SPECC1L: variants seen among roughly 807,000 people sequenced by gnomAD.
The protein encoded by SPECC1L is cytospin-A.
Under a neutral mutation model 116.8 loss-of-function variants are expected in SPECC1L, and 40 were observed. That is an observed-to-expected ratio of 0.34 (90% confidence interval 0.27 to 0.45). The LOEUF (loss-of-function observed/expected upper bound fraction) is 0.45. Among genes scored for constraint, SPECC1L ranks in the 20% least tolerant of loss-of-function variants. The probability of loss-of-function intolerance (pLI) is 1.00; values close to 1 mark genes in which losing one functional copy is unlikely to be tolerated. For missense variants in SPECC1L, 1,110 were observed against 1,373.6 expected (o/e 0.81, Z 3.03); for synonymous variants, 504 against 500.6 (o/e 1.01, Z -0.09).
rs552126169 is a variant in SPECC1L, at chr22:24,354,190, G to A, written c.2743+7014G>A. Among the ~76,000 whole-genome samples the A allele has an allele frequency of 5.3e-5, 8 of 152,252 alleles. No homozygotes were observed. The East Asian group carries it at 1.5e-3, about 29-fold the overall frequency. On this transcript the variant is annotated intron_variant, in intron 11 of 16. Transcript: ENST00000314328. ...CTATGACCCGGGTACCTCCTACCAG[G>A]CCCACCTCCAACACTGGGGCTTACA...
chr22:24,297,418 AG>A (rs1257630043), intron 2 of SPECC1L, among the ~76,000 whole-genome samples: 2 of 152,130 alleles, frequency 1.3e-5, no homozygotes, highest in Non-Finnish European at 2.9e-5. Context: ...AGTTTTATTA[AG>A]TGTATTACTA....
At chr22:24,280,577 ATTTTTTTTTTT>A (rs34634285) in intron 2 of SPECC1L, among the ~76,000 whole-genome samples, 1 of 128,828 alleles carries the variant, frequency 7.8e-6, no homozygotes, top group Non-Finnish European at 1.6e-5. Flanking sequence ...TTTCAATAAC[ATTTTTTTTTTT>A]TTTTTTTTTG....
rs191840970 is a variant in SPECC1L, at chr22:24,351,946, G to A, written c.2743+4770G>A. Among the ~76,000 whole-genome samples, 615 of 151,824 alleles carry A rather than the reference G, an allele frequency of 4.1e-3. 7 individuals carry two copies. Among genetic ancestry groups the A allele is most frequent in the African/African-American group, 0.014 (575 of 41,392 alleles). On this transcript the variant is annotated intron_variant, in intron 11 of 16. Transcript: ENST00000314328. The stretch of plus-strand genomic sequence containing the variant: ...GGAGCTTTCAGTGAGCCGAGATTGC[G>A]CCACTGCACTCCAGCCTGGGGAATA...
chr22:24,366,259 C>G (rs1478336466), intron 13 of SPECC1L, among the ~76,000 whole-genome samples: 1 of 151,754 alleles, frequency 6.6e-6, no homozygotes, highest in Non-Finnish European at 1.5e-5. Flanking sequence ...GTGGCGCGAT[C>G]TCGGCTCACT....
chr22:24,323,697 T>C lies in SPECC1L; in HGVS notation c.1939-523T>C, dbSNP rs566563078. 4.6e-5 allele frequency among the ~76,000 whole-genome samples: 7 copies of C among 152,376 alleles called. No individual in the cohort carries two copies. The South Asian group carries it at 1.4e-3, about 32-fold the overall frequency. On this transcript the variant is annotated intron_variant, in intron 5 of 16. Transcript: ENST00000314328. ...ATCTTTGGCTAAAATTTGAGTAATT[T>C]AGATTTTAGGGTGTTTTTAGTGATC... is the stretch of plus-strand genomic sequence containing the variant.
intron 14 of SPECC1L, among the ~76,000 whole-genome samples, chr22:24,394,918 A>T (rs1367892137): frequency 6.6e-6 from 1 of 151,886 alleles, no homozygotes; most frequent in East Asian, 1.9e-4. Context: ...GCAGCCTTGA[A>T]CTCCTGGGCT....
intron 9 of SPECC1L, among the ~76,000 whole-genome samples, chr22:24,336,161 A>T (rs906575139): frequency 6.6e-6 from 1 of 152,094 alleles, no homozygotes; most frequent in African/African-American, 2.4e-5. Context: ...TACTGATGTT[A>T]AAACATGTCT....
At position 24,322,232 on chromosome 22, in the gene SPECC1L, C is replaced by A. The variant is rs1209774449; in HGVS notation, c.1252C>A (p.Leu418Met). ...HSTSEELQAT[L>M]QELADLQQIT... ...TACAAGTGAGGAACTCCAGGCAACC[C>A]TGCAAGAGCTAGCTGATTTACAGCA... The change falls in exon 5 of 17, where the codon CTG (leucine) becomes ATG (methionine). Residue 418 changes from leucine to methionine, a missense_variant. This residue lies in a region of SPECC1L where 22 missense variants were observed against 60.1 expected (regional missense o/e 0.37). Coordinates refer to ENST00000314328, the MANE Select transcript of SPECC1L (RefSeq NM_015330.6). 6.2e-7 allele frequency: 1 copy of A among 1,614,200 alleles called. No homozygotes were observed. Among genetic ancestry groups the A allele is most frequent in the East Asian group, 2.2e-5 (1 of 44,884 alleles).
intron 2 of SPECC1L, among the ~76,000 whole-genome samples, chr22:24,297,104 T>G (rs1403693735): frequency 6.7e-6 from 1 of 149,754 alleles, no homozygotes; most frequent in Non-Finnish European, 1.5e-5. Flanking sequence ...CTCGGCTAAT[T>G]TTTGTATTTT....
intron 4 of SPECC1L, among the ~76,000 whole-genome samples, chr22:24,316,427 C>G (rs2040566772): frequency 6.6e-6 from 1 of 151,028 alleles, no homozygotes; most frequent in Non-Finnish European, 1.5e-5. Flanking sequence ...ACCCTGCGGC[C>G]TTCCGCAGTG....
chr22:24,395,783 C>T (rs967983855), intron 14 of SPECC1L, among the ~76,000 whole-genome samples: 1 of 152,170 alleles, frequency 6.6e-6, no homozygotes, highest in African/African-American at 2.4e-5. Context: ...GATCAACAGG[C>T]ATGCACCACC....
At position 24,297,727 on chromosome 22, in the gene SPECC1L, G is replaced by C. The variant is rs376353236; in HGVS notation, c.-37-4468G>C. Among the ~76,000 whole-genome samples the C allele has an allele frequency of 3.2e-3, 470 of 147,346 alleles. 16 individuals are homozygous for C. In the South Asian group the frequency reaches 0.093, roughly 29 times the overall value. ...GTTGGTACGTTTTAAATTGTGGACT[G>C]TTCTGAATGACATGATGAAATCTTG... On this transcript the variant is annotated intron_variant, in intron 2 of 16. Transcript: ENST00000314328.
At chr22:24,390,122 C>T (rs893059614) in intron 14 of SPECC1L, among the ~76,000 whole-genome samples, 3 of 151,256 alleles carry the variant, frequency 2.0e-5, no homozygotes, top group Non-Finnish European at 2.9e-5. Flanking sequence ...TACTCATCCC[C>T]TACCCCAACC....
rs2042779563 is a variant in SPECC1L at position 24,415,243 on chromosome 22, G to GT, written c.*621dup. On this transcript the variant is annotated 3_prime_UTR_variant, in exon 17 of 17. Transcript: ENST00000314328. ...TGAGCTAGGAGAGTATCTAGAGGGC[G>GT]TGGTGCGGGCACGCCAGGGCTGGGG... 1 of 157,126 alleles carries GT rather than the reference G, an allele frequency of 6.4e-6. No individual in the cohort carries two copies. Among genetic ancestry groups the GT allele is most frequent in the Admixed American group, 6.0e-5 (1 of 16,598 alleles). The allele number at this position is 157,126 out of a possible 1,614,324, so 9.7% of individuals were successfully genotyped here.
intron 14 of SPECC1L, among the ~76,000 whole-genome samples, chr22:24,370,150 G>C (rs958444259): frequency 6.6e-6 from 1 of 152,208 alleles, no homozygotes; most frequent in Non-Finnish European, 1.5e-5. Context: ...TGCAAAAGAG[G>C]TAATAACATT....
chr22:24,354,670 CTT>C (rs531632375), intron 11 of SPECC1L, among the ~76,000 whole-genome samples: 23 of 139,790 alleles, frequency 1.6e-4, no homozygotes, highest in Middle Eastern at 3.7e-3. Flanking sequence ...TCTGGTTACT[CTT>C]TTTTTTTTTT....
chr22:24,342,693 A>G (rs1049446770), intron 10 of SPECC1L, among the ~76,000 whole-genome samples: 13 of 151,492 alleles, frequency 8.6e-5, no homozygotes, highest in Non-Finnish European at 1.6e-4. Context: ...AAAAAAAAGA[A>G]ATAGAGGAAA....
intron 1 of SPECC1L, among the ~76,000 whole-genome samples, chr22:24,271,587 T>G (rs2048728398): frequency 6.6e-6 from 1 of 152,242 alleles, no homozygotes; most frequent in South Asian, 2.1e-4. Flanking sequence ...ATTTTGCGTT[T>G]CCAGGAATTT....
rs982458154 is a variant in SPECC1L, at chr22:24,321,530, A to G, written c.550A>G (p.Lys184Glu). The change falls in exon 5 of 17, where the codon AAA becomes GAA. Residue 184 changes from lysine to glutamate, a missense_variant. Around this residue, in one of 4 missense-constraint regions of SPECC1L, gnomAD observed 437 missense variants for 482.6 expected, o/e 0.91. Transcript: ENST00000314328. The stretch of plus-strand genomic sequence containing the variant: ...CAGTGACAGAGCTGCTTTGGAGGCC[A>G]AAGTGAAGGATCTTCTCACGCTGGC... ...QISDRAALEA[K>E]VKDLLTLAKT... 4.3e-6 allele frequency: 7 copies of G among 1,614,122 alleles called. No homozygotes were observed. The Admixed American group carries it at 6.7e-5, about 15-fold the overall frequency.
Sources: allele counts gnomAD v4.1 joint callset (sites outside exome capture counted in the v4.1 genomes callset), GRCh38; gene constraint gnomAD v4.1.1; regional missense constraint gnomAD v4.1.1; transcripts MANE v1.5; gene names NCBI Gene and HGNC (gene_info 2026-07-23, HGNC 2026-07-21).